Variants in AFAP1 observed in about 807,000 individuals in gnomAD.
AFAP1 encodes the protein actin filament-associated protein 1.
A neutral mutation model predicts 93.9 loss-of-function variants in AFAP1; 75 were observed. The ratio of observed to expected loss-of-function variants is 0.80; its 90% CI spans 0.66 to 0.97. The LOEUF is 0.97. AFAP1 is among the 50% of genes least tolerant of loss of function. The pLI, the probability that AFAP1 is intolerant of heterozygous loss-of-function variation, is 0.00. For synonymous variants in AFAP1, 517 were observed against 430.7 expected, an observed-to-expected ratio of 1.20 and a Z score of -2.48; for missense variants, 1,201 against 1,050.8, an observed-to-expected ratio of 1.14 and a Z score of -1.98.
rs1721646331 is a variant in AFAP1 at position 7,939,857 on chromosome 4, C to T, written c.-204G>A. On this transcript the variant is annotated 5_prime_UTR_variant, in exon 1 of 18. Transcript: ENST00000420658. This position sits in a 1 kb window ranked among gnomAD's most constrained non-coding sequence, Gnocchi z 5.6. ...AGCCGGCGTGGGGCTGCGGCCGGGA[C>T]AGACACCACGCAGGCGCACACGGCC... 1 of 239,106 alleles carries T rather than the reference C, an allele frequency of 4.2e-6. No homozygotes were observed. The highest frequency in any genetic ancestry group is 8.2e-6 in the Non-Finnish European group (1 of 121,620). 14.8% of individuals were successfully genotyped at this position (239,106 alleles called of 1,614,324 possible).
chr4:7,877,328 A>C (rs1717573911), intron 1 of AFAP1, among the ~76,000 whole-genome samples: 1 of 152,228 alleles, frequency 6.6e-6, no homozygotes, highest in African/African-American at 2.4e-5. Flanking sequence ...AAAATAGCTC[A>C]TTTGATTCTC....
intron 6 of AFAP1, among the ~76,000 whole-genome samples, chr4:7,820,447 G>C (rs1720867990): frequency 6.6e-6 from 1 of 152,178 alleles, no homozygotes; most frequent in South Asian, 2.1e-4. Context: ...ACAGAGATCA[G>C]GGAGAAGGAC....
At chr4:7,771,257 C>T (rs1577180891) in intron 16 of AFAP1, among the ~76,000 whole-genome samples, 6 of 151,976 alleles carry the variant, frequency 3.9e-5, no homozygotes, top group Middle Eastern at 3.4e-3. Flanking sequence ...TGGCGGCCCC[C>T]GCCGGTAACC....
intron 12 of AFAP1, among the ~76,000 whole-genome samples, chr4:7,782,026 G>A (rs146250763): frequency 1.2e-4 from 18 of 152,326 alleles, no homozygotes; most frequent in East Asian, 5.8e-4. Context: ...AGCGCAGGGC[G>A]TGGATGGAAG....
intron 10 of AFAP1, chr4:7,799,095 C>T (rs1413486523): frequency 3.0e-6 from 3 of 985,642 alleles, no homozygotes; most frequent in Admixed American, 6.2e-5. Context: ...GCTCAGCATT[C>T]GTGTTTTACG....
chr4:7,823,209 A>T (rs1009930395), intron 6 of AFAP1, among the ~76,000 whole-genome samples: 5 of 151,918 alleles, frequency 3.3e-5, no homozygotes, highest in African/African-American at 1.2e-4. Flanking sequence ...TGCTTTTGTC[A>T]CTGTTCCCAA....
intron 1 of AFAP1, among the ~76,000 whole-genome samples, chr4:7,879,402 C>G (rs1384796302): frequency 6.6e-6 from 1 of 152,222 alleles, no homozygotes; most frequent in Non-Finnish European, 1.5e-5. Flanking sequence ...TGAACCACCT[C>G]CTCTGTTCGA....
At chr4:7,933,351 G>A (rs1267212553) in intron 1 of AFAP1, among the ~76,000 whole-genome samples, 4 of 152,102 alleles carry the variant, frequency 2.6e-5, no homozygotes, top group Non-Finnish European at 5.9e-5. Flanking sequence ...AAGTTGGGCC[G>A]ATCACGAGGT....
rs541288808 is a variant in AFAP1 at position 7,863,506 on chromosome 4, C to T, written c.225+5116G>A. Among the ~76,000 whole-genome samples, 3 of 152,288 alleles carry T rather than the reference C, an allele frequency of 2.0e-5. No individual in the cohort carries two copies. In the South Asian group the frequency reaches 6.2e-4, roughly 32 times the overall value. Reference sequence around the variant, plus strand: ...TTTTTTGAATAGATGCATATTTTAGCCTATCCGAGTCTCCCCTTGAAAAGC... The same window carrying T: ...TTTTTTGAATAGATGCATATTTTAGTCTATCCGAGTCTCCCCTTGAAAAGC... On this transcript the variant is annotated intron_variant, in intron 3 of 17. Coordinates refer to ENST00000420658, the MANE Select transcript of AFAP1 (RefSeq NM_001134647.2).
intron 1 of AFAP1, among the ~76,000 whole-genome samples, chr4:7,895,160 C>T (rs1429692214): frequency 6.6e-6 from 1 of 152,252 alleles, no homozygotes; most frequent in African/African-American, 2.4e-5. Flanking sequence ...CGAATGAACA[C>T]AGACTTCGGT....
chr4:7,883,729 A>T (rs753903928), intron 1 of AFAP1, among the ~76,000 whole-genome samples: 17 of 152,266 alleles, frequency 1.1e-4, no homozygotes, highest in South Asian at 2.1e-4. Flanking sequence ...ACAATAAAAA[A>T]GTAAACTACT....
At chr4:7,768,819 G>A in intron 17 of AFAP1, 25 bp downstream of exon 17, 1 of 1,546,446 alleles carries the variant, frequency 6.5e-7, no homozygotes, top group South Asian at 1.2e-5. Flanking sequence ...AGGACACCCA[G>A]ACACCCCCGG....
At chr4:7,844,463 A>G (rs1396023499) in intron 4 of AFAP1, among the ~76,000 whole-genome samples, 1 of 152,210 alleles carries the variant, frequency 6.6e-6, no homozygotes, top group East Asian at 1.9e-4. Flanking sequence ...TCACTGCGGC[A>G]TGAGCAGACT....
intron 12 of AFAP1, among the ~76,000 whole-genome samples, chr4:7,782,053 G>A (rs1716826277): frequency 6.6e-6 from 1 of 152,200 alleles, no homozygotes; most frequent in Non-Finnish European, 1.5e-5. Flanking sequence ...AATGAGCATG[G>A]GACCAGGGGC....
At chr4:7,920,650 A>G (rs961526985) in intron 1 of AFAP1, among the ~76,000 whole-genome samples, 1 of 152,264 alleles carries the variant, frequency 6.6e-6, no homozygotes, top group African/African-American at 2.4e-5. Flanking sequence ...AGGGTTACTA[A>G]CAAAGCTACC....
intron 4 of AFAP1, among the ~76,000 whole-genome samples, chr4:7,845,561 A>T (rs1317898732): frequency 1.3e-5 from 2 of 152,068 alleles, no homozygotes; most frequent in Non-Finnish European, 2.9e-5. Flanking sequence ...GCCACGAGGG[A>T]TGCAATGAGG....
chr4:7,816,057 C>A lies in AFAP1; in HGVS notation c.865G>T (p.Val289Leu), dbSNP rs1720446266. 1 of 1,612,984 alleles carries A rather than the reference C, an allele frequency of 6.2e-7. No individual in the cohort carries two copies. The highest frequency in any genetic ancestry group is 2.2e-5 in the East Asian group (1 of 44,842). The change falls in exon 8 of 18, where the codon GTG becomes TTG. Residue 289 changes from valine (V) to leucine (L), a missense_variant. By Grantham distance (32) the Val-to-Leu change is conservative. Transcript: ENST00000420658. The stretch of plus-strand genomic sequence containing the variant: ...TTACATGTGGTAATTCCATTTTCCA[C>A]AACACCCTCCCCATCTGAGCTGGGT... ...ERPSSDGEGV[V>L]ENGITTCNGK...
At chr4:7,880,454 A>G (rs1301199122) in intron 1 of AFAP1, among the ~76,000 whole-genome samples, 2 of 151,912 alleles carry the variant, frequency 1.3e-5, no homozygotes, top group Non-Finnish European at 2.9e-5. Context: ...TAATTTTTGT[A>G]TTTTTAGTAG....
chr4:7,763,865 A>G (rs1340367456), intron 17 of AFAP1, 74 bp from the exon 18 acceptor site: 1 of 1,479,032 alleles, frequency 6.8e-7, no homozygotes, highest in African/African-American at 1.4e-5. Flanking sequence ...CACCATCCAC[A>G]TTCAACTCAG....
Sources: gnomAD v4.1 joint callset for allele counts (sites outside exome capture counted in the v4.1 genomes callset) on GRCh38, gnomAD v4.1.1 for gene constraint, Gnocchi (gnomAD v3.1) non-coding constraint, MANE v1.5 for transcripts, NCBI Gene and HGNC (gene_info 2026-07-23, HGNC 2026-07-21) for gene names.